HECW2: variants seen among roughly 807,000 people sequenced by gnomAD.
HECW2 encodes the protein HECT, C2 and WW domain containing E3 ubiquitin protein ligase 2.
HECW2 carries 61 observed loss-of-function variants against 175.2 expected under a neutral mutation model. The observed-to-expected ratio is 0.35, with a 90% CI of 0.28 to 0.43. HECW2 has a LOEUF of 0.43. HECW2 is among the 20% of genes least tolerant of loss of function. The pLI is 1.00. For synonymous variants in HECW2, 671 were observed against 731.0 expected, an observed-to-expected ratio of 0.92 and a Z score of 1.32; for missense variants, 1,524 against 2,000.5, an observed-to-expected ratio of 0.76 and a Z score of 4.54.
intron 15 of HECW2, 36 bp downstream of exon 15, chr2:196,278,492 C>G (rs1690061942): frequency 1.3e-6 from 2 of 1,596,326 alleles, no homozygotes; most frequent in South Asian, 2.2e-5. Context: ...AAGCTTCTAT[C>G]AACCAACAGG....
chr2:196,289,246 A>G (rs902652881), intron 14 of HECW2: 14 of 152,250 alleles, frequency 9.2e-5, no homozygotes, highest in African/African-American at 3.4e-4. Context: ...TTTCATGCAG[A>G]TGAGGATATG....
chr2:196,537,875 G>A (rs1315818484), intron 1 of HECW2, among the ~76,000 whole-genome samples: 1 of 152,084 alleles, frequency 6.6e-6, no homozygotes, highest in East Asian at 1.9e-4. Flanking sequence ...TTGTAACAGA[G>A]CCCATCTCCC....
intron 1 of HECW2, among the ~76,000 whole-genome samples, chr2:196,438,312 A>C (rs1360657100): frequency 6.6e-6 from 1 of 152,214 alleles, no homozygotes; most frequent in Non-Finnish European, 1.5e-5. Flanking sequence ...TCTAGTAATC[A>C]CATTTTAAAA....
At chr2:196,379,915 G>C (rs1255179599) in intron 2 of HECW2, among the ~76,000 whole-genome samples, 1 of 148,458 alleles carries the variant, frequency 6.7e-6, no homozygotes, top group Non-Finnish European at 1.5e-5. Flanking sequence ...AAAAAAAAAA[G>C]GATGAGGGGA....
At chr2:196,201,910 ACTTTT>A (rs1686872149) in intron 28 of HECW2, among the ~76,000 whole-genome samples, 1 of 152,198 alleles carries the variant, frequency 6.6e-6, no homozygotes, top group African/African-American at 2.4e-5. Flanking sequence ...CCCTGGCTGG[ACTTTT>A]CTAAGTCAGT....
intron 17 of HECW2, among the ~76,000 whole-genome samples, chr2:196,262,551 C>A (rs879508790): frequency 9.2e-5 from 14 of 151,892 alleles, no homozygotes; most frequent in Admixed American, 1.3e-4. Context: ...TTCTTCAGGG[C>A]AAAAGCCCTT....
intron 1 of HECW2, among the ~76,000 whole-genome samples, chr2:196,581,882 C>T (rs974260378): frequency 4.0e-5 from 6 of 151,856 alleles, no homozygotes; most frequent in East Asian, 3.9e-4. Context: ...CTGGCTAACA[C>T]GGTGAAACCC....
intron 21 of HECW2, among the ~76,000 whole-genome samples, chr2:196,229,091 T>A (rs1687955171): frequency 6.6e-6 from 1 of 152,048 alleles, no homozygotes. Flanking sequence ...TGTGCTAAAT[T>A]TAAAATGAAA....
chr2:196,303,557 G>T (rs1691148089), intron 13 of HECW2, among the ~76,000 whole-genome samples: 2 of 152,064 alleles, frequency 1.3e-5, no homozygotes, highest in Non-Finnish European at 2.9e-5. Context: ...TTGGTTGGTA[G>T]ACCATTTATT....
intron 1 of HECW2, among the ~76,000 whole-genome samples, chr2:196,578,391 C>T (rs1403941134): frequency 1.3e-5 from 2 of 151,974 alleles, no homozygotes; most frequent in African/African-American, 4.8e-5. Flanking sequence ...ACAAGCAAAG[C>T]AACATATGCA....
intron 2 of HECW2, among the ~76,000 whole-genome samples, chr2:196,359,645 C>G (rs892938617): frequency 6.6e-6 from 1 of 152,152 alleles, no homozygotes; most frequent in Non-Finnish European, 1.5e-5. Context: ...CAAAAGCATC[C>G]TTTGGTTAGG....
chr2:196,514,829 C>T (rs1688093066), intron 1 of HECW2, among the ~76,000 whole-genome samples: 2 of 152,242 alleles, frequency 1.3e-5, no homozygotes, highest in Admixed American at 6.5e-5. Flanking sequence ...CTGCCTTGCT[C>T]ACCCTCCAGT....
chr2:196,442,998 A>G (rs1696084116), intron 1 of HECW2, among the ~76,000 whole-genome samples: 1 of 152,184 alleles, frequency 6.6e-6, no homozygotes, highest in South Asian at 2.1e-4. Context: ...TAGGTAGCCC[A>G]CAGAATCAAA....
At chr2:196,468,074 A>C (rs573946287) in intron 1 of HECW2, among the ~76,000 whole-genome samples, 1 of 152,192 alleles carries the variant, frequency 6.6e-6, no homozygotes, top group African/African-American at 2.4e-5. Context: ...AGTGCACTGC[A>C]ACCTCCACCT....
chr2:196,222,404 T>C lies in HECW2; in HGVS notation c.4017-64A>G, dbSNP rs1687702612. Reference sequence around the variant, plus strand: ...GGCTATTAGCAAAAACCCAGAGTCATAAGGAAAGAAACTAAGAATTAAAGA... The same window carrying C: ...GGCTATTAGCAAAAACCCAGAGTCACAAGGAAAGAAACTAAGAATTAAAGA... On this transcript the variant is annotated intron_variant, in intron 23 of 28. Coordinates refer to ENST00000644978, the MANE Select transcript of HECW2 (RefSeq NM_001348768.2). 47 of 1,491,396 alleles carry C rather than the reference T, an allele frequency of 3.2e-5. 2 individuals carry two copies. In the South Asian group the frequency reaches 5.4e-4, roughly 17 times the overall value. 92.4% of individuals were successfully genotyped at this position (1,491,396 alleles called of 1,614,324 possible). A position where few individuals can be genotyped will look rare whatever the true frequency, so the allele number is the denominator to read the frequency against.
chr2:196,578,443 A>G (rs1277042549), intron 1 of HECW2, among the ~76,000 whole-genome samples: 1 of 152,164 alleles, frequency 6.6e-6, no homozygotes, highest in African/African-American at 2.4e-5. Flanking sequence ...TTGAAAGGAT[A>G]TTTTTAAGAT....
chr2:196,301,244 A>G (rs946649098), intron 13 of HECW2, among the ~76,000 whole-genome samples: 1 of 152,180 alleles, frequency 6.6e-6, no homozygotes, highest in South Asian at 2.1e-4. Context: ...TCCATGGTAT[A>G]TATGTACCAC....
chr2:196,468,414 G>A (rs958353889), intron 1 of HECW2, among the ~76,000 whole-genome samples: 3 of 152,212 alleles, frequency 2.0e-5, no homozygotes, highest in East Asian at 3.9e-4. Flanking sequence ...CCACCCCTAC[G>A]CTTCAGTTAC....
chr2:196,210,871 G>A lies in HECW2; in HGVS notation c.4607+4994C>T, dbSNP rs138972120. Among the ~76,000 whole-genome samples the A allele has an allele frequency of 2.2e-3, 333 of 151,738 alleles. 2 individuals are homozygous for A. The highest frequency in any genetic ancestry group is 7.6e-3 in the African/African-American group (314 of 41,340). On this transcript the variant is annotated intron_variant, in intron 28 of 28. Transcript: ENST00000644978. Reference sequence around the variant, plus strand: ...ACTCCTGACCTCAAGTGATCTGCCTGCCTTGGACTCCCAAAGTGCTGGGAT... The same window carrying A: ...ACTCCTGACCTCAAGTGATCTGCCTACCTTGGACTCCCAAAGTGCTGGGAT...
Sources: gnomAD v4.1 joint callset for allele counts (sites outside exome capture counted in the v4.1 genomes callset) on GRCh38, gnomAD v4.1.1 for gene constraint, MANE v1.5 for transcripts, NCBI Gene and HGNC (gene_info 2026-07-23, HGNC 2026-07-21) for gene names.